EPG5: variants seen among roughly 807,000 people sequenced by gnomAD.
EPG5 encodes the protein ectopic P granules protein 5 homolog.
A neutral mutation model predicts 302.7 loss-of-function variants in EPG5; 159 were observed. That is an observed-to-expected ratio of 0.53 (90% confidence interval 0.46 to 0.60). The LOEUF is 0.60. Ranked by LOEUF, EPG5 falls within the 20% of genes least tolerant of loss-of-function variation. EPG5 has a pLI of 0.00. For synonymous variants in EPG5, 1,158 were observed against 1,136.8 expected (o/e 1.02, Z -0.37); for missense variants, 2,896 against 3,092.4 (o/e 0.94, Z 1.51).
intron 23 of EPG5, 118 bp downstream of exon 23, chr18:45,910,403 A>G: frequency 2.8e-6 from 2 of 725,500 alleles, no homozygotes; most frequent in East Asian, 5.1e-5. Context: ...GCCACCTTCC[A>G]TATTCAATCT....
At chr18:45,910,914 G>T (rs1192372607) in intron 22 of EPG5, among the ~76,000 whole-genome samples, 172 bp from the exon 23 acceptor site, 2 of 152,050 alleles carry the variant, frequency 1.3e-5, no homozygotes, top group Non-Finnish European at 2.9e-5. Context: ...CAACAAGATG[G>T]TGTATATGAA....
At chr18:45,876,414 G>A in intron 34 of EPG5, 72 bp from the exon 35 acceptor site, 20 of 1,264,858 alleles carry the variant, frequency 1.6e-5, no homozygotes, top group Non-Finnish European at 2.2e-5. Context: ...AGTGTCTAGG[G>A]CTGGCCTAAG....
chr18:45,901,022 G>A lies in EPG5; in HGVS notation c.4620C>T (p.Asp1540=), dbSNP rs2049602058. 1.2e-6 allele frequency: 2 copies of A among 1,613,996 alleles called. No individual in the cohort carries two copies. Among genetic ancestry groups the A allele is most frequent in the Middle Eastern group, 1.7e-4 (1 of 6,060 alleles). The change falls in exon 26 of 44, where the codon GAC becomes GAT. Residue 1540 remains aspartate (D), a synonymous_variant. Coordinates refer to ENST00000282041, the MANE Select transcript of EPG5 (RefSeq NM_020964.3). ...TGGCCTGCTGTTGCAACAGATTCAG[G>A]TCTGTGCACACCAGCTGGGTGGCGT... ...QKDATQLVCT[D]LNLLQQQART... is the part of the protein sequence containing the mutation.
chr18:45,957,429 T>A (rs1314665239), intron 1 of EPG5, among the ~76,000 whole-genome samples: 1 of 152,112 alleles, frequency 6.6e-6, no homozygotes, highest in African/African-American at 2.4e-5. Flanking sequence ...ATTATATGAG[T>A]GTTAATAAAA....
At chr18:45,836,886 A>G in the EPG5 span, 1 of 582,156 alleles carries the variant, frequency 1.7e-6, no homozygotes, top group Non-Finnish European at 3.1e-6. Context: ...CCCAGCCTCT[A>G]GTGCACTAGA....
the EPG5 span, among the ~76,000 whole-genome samples, chr18:45,836,202 T>C: frequency 6.6e-6 from 1 of 152,148 alleles, no homozygotes; most frequent in Admixed American, 6.5e-5. Context: ...AGAAAAGTCA[T>C]ATTTCTCCCA....
the EPG5 span, among the ~76,000 whole-genome samples, chr18:45,829,473 G>T: frequency 6.6e-6 from 1 of 152,172 alleles, no homozygotes; most frequent in African/African-American, 2.4e-5. Context: ...CAAACCAAGG[G>T]GCAGGAGGGG....
At chr18:45,925,661 A>G (rs2050250954) in intron 14 of EPG5, 77 bp downstream of exon 14, 5 of 1,147,282 alleles carry the variant, frequency 4.4e-6, no homozygotes, top group Non-Finnish European at 5.8e-6. Context: ...CAGAAATGTT[A>G]GTGTTTTGAC....
intron 5 of EPG5, 73 bp downstream of exon 5, chr18:45,949,411 C>T: frequency 2.6e-6 from 2 of 780,608 alleles, no homozygotes; most frequent in South Asian, 2.1e-5. Context: ...TTTTTTTCAG[C>T]AATTTCTTCA....
chr18:45,836,840 T>G, the EPG5 span, among the ~76,000 whole-genome samples: 14 of 152,188 alleles, frequency 9.2e-5, no homozygotes, highest in African/African-American at 3.4e-4. Context: ...TCTCTGTAAG[T>G]GGAAGTGCTG....
intron 42 of EPG5, 26 bp from the exon 43 acceptor site, chr18:45,855,713 G>A (rs761979719): frequency 2.8e-6 from 4 of 1,443,000 alleles, no homozygotes; most frequent in Admixed American, 1.7e-5. Flanking sequence ...GAGGTCAGAA[G>A]AAGTAAATGG....
Position 45,925,798 on chromosome 18 carries a change from C to T in EPG5, c.2658G>A (p.Val886=), listed in dbSNP as rs1568160896. The T allele has an allele frequency of 6.4e-7, 1 of 1,574,482 alleles. No homozygotes were observed. Among genetic ancestry groups the T allele is most frequent in the East Asian group, 2.3e-5 (1 of 42,794 alleles). The part of the protein sequence containing the change: ...RDWLLNYNLT[V]VKNKLACVIL... ...TAACACAGGCCAGTTTATTCTTCAC[C>T]ACTGTCAGGTTGTAATTCAATAACC... The change falls in exon 14 of 44, where the codon GTG becomes GTA. Residue 886 remains valine, a synonymous_variant. Coordinates refer to ENST00000282041, the MANE Select transcript of EPG5 (RefSeq NM_020964.3).
the EPG5 span, among the ~76,000 whole-genome samples, chr18:45,830,967 T>C: frequency 1.3e-5 from 2 of 152,178 alleles, no homozygotes; most frequent in Non-Finnish European, 2.9e-5. Context: ...TTTTCAGACA[T>C]AGATTTTTAG....
At chr18:45,881,792 A>G (rs540585439) in intron 31 of EPG5, among the ~76,000 whole-genome samples, 1 of 152,252 alleles carries the variant, frequency 6.6e-6, no homozygotes, top group East Asian at 1.9e-4. Context: ...AATAAAGTCT[A>G]TCATTACATA....
chr18:45,896,871 G>T (rs1171339093), intron 27 of EPG5, among the ~76,000 whole-genome samples: 2 of 152,120 alleles, frequency 1.3e-5, no homozygotes, highest in Non-Finnish European at 2.9e-5. Context: ...AGAAAAGAAA[G>T]CACAAGAACT....
intron 36 of EPG5, among the ~76,000 whole-genome samples, chr18:45,868,572 T>C (rs1310676922): frequency 1.3e-5 from 2 of 151,070 alleles, no homozygotes; most frequent in Non-Finnish European, 3.0e-5. Context: ...TTTCTCCATG[T>C]TGGTCAGGCT....
chr18:45,923,755 G>A (rs1252636938), intron 14 of EPG5, among the ~76,000 whole-genome samples: 7 of 152,202 alleles, frequency 4.6e-5, no homozygotes, highest in East Asian at 1.9e-4. Context: ...CTGTCTAGGC[G>A]TGGTGGTTCA....
chr18:45,846,765 G>T (rs561626861), downstream of EPG5, among the ~76,000 whole-genome samples: 1 of 152,124 alleles, frequency 6.6e-6, no homozygotes, highest in Non-Finnish European at 1.5e-5. Context: ...GTAAGAAAAT[G>T]GCTACTCCAT....
chr18:45,823,792 A>ACACAG, the EPG5 span, among the ~76,000 whole-genome samples: 1 of 152,206 alleles, frequency 6.6e-6, no homozygotes, highest in Non-Finnish European at 1.5e-5. Context: ...AACGATGACA[A>ACACAG]CACAGCACAG....
Sources: gnomAD v4.1 joint callset for allele counts (sites outside exome capture counted in the v4.1 genomes callset) on GRCh38, gnomAD v4.1.1 for gene constraint, MANE v1.5 for transcripts, NCBI Gene and HGNC (gene_info 2026-07-23, HGNC 2026-07-21) for gene names.